CERS5: variants seen among roughly 807,000 people sequenced by gnomAD.
The protein encoded by CERS5 is LAG1 homolog, ceramide synthase 5.
A neutral mutation model predicts 58.9 loss-of-function variants in CERS5; 37 were observed. The observed-to-expected ratio is 0.63, with a 90% CI of 0.48 to 0.83. CERS5 has a LOEUF of 0.83. Ranked by LOEUF, CERS5 falls within the 40% of genes least tolerant of loss-of-function variation. The pLI is 0.00. For missense variants in CERS5, 398 were observed against 489.3 expected (o/e 0.81, Z 1.76); for synonymous variants, 147 against 177.8 (o/e 0.83, Z 1.38).
At chr12:50,132,359 G>A (rs928085031) in intron 9 of CERS5, among the ~76,000 whole-genome samples, 12 of 151,754 alleles carry the variant, frequency 7.9e-5, no homozygotes, top group Admixed American at 3.3e-4. Context: ...CCAAGATCAC[G>A]CCATTGCACT....
intron 1 of CERS5, among the ~76,000 whole-genome samples, chr12:50,164,123 C>A (rs1939611723): frequency 6.6e-6 from 1 of 151,080 alleles, no homozygotes; most frequent in African/African-American, 2.4e-5. Context: ...CTATGCCCAG[C>A]TAATTTTTAT....
chr12:50,133,404 T>C, intron 9 of CERS5: 2 of 1,029,952 alleles, frequency 1.9e-6, no homozygotes, highest in Non-Finnish European at 2.3e-6. Flanking sequence ...AAACACTACA[T>C]ACCCATTCAC....
chr12:50,167,309 C>T lies in CERS5; in HGVS notation c.-12G>A. ...GCTGCTGTCGCCATCTTACGCCCAC[C>T]CCGAAGCCACCGCCGCCACAAGCGT... On this transcript the variant is annotated 5_prime_UTR_variant, in exon 1 of 10. Coordinates refer to ENST00000317551, the MANE Select transcript of CERS5 (RefSeq NM_147190.5). 2 of 1,474,108 alleles carry T rather than the reference C, an allele frequency of 1.4e-6. No individual in the cohort carries two copies. The highest frequency in any genetic ancestry group is 1.8e-6 in the Non-Finnish European group (2 of 1,119,402). 91.3% of individuals were successfully genotyped at this position (1,474,108 alleles called of 1,614,324 possible).
chr12:50,161,776 C>CAAAAAAA (rs1491484435), intron 1 of CERS5, among the ~76,000 whole-genome samples: 4 of 23,674 alleles, frequency 1.7e-4, no homozygotes, highest in East Asian at 4.3e-3. Context: ...GACTCCGTCT[C>CAAAAAAA]AAAAAAAGAA....
chr12:50,147,175 G>A (rs1304458462), intron 1 of CERS5, among the ~76,000 whole-genome samples: 3 of 151,848 alleles, frequency 2.0e-5, no homozygotes, highest in Non-Finnish European at 4.4e-5. Context: ...AGGCTGAGGC[G>A]GGCGGATCAC....
chr12:50,131,052 TACGTATG>T (rs1951291100), intron 9 of CERS5, among the ~76,000 whole-genome samples: 1 of 152,168 alleles, frequency 6.6e-6, no homozygotes, highest in Non-Finnish European at 1.5e-5. Context: ...ACACGAACAA[TACGTATG>T]ACTGTCAGCA....
intron 8 of CERS5, 148 bp from the exon 9 acceptor site, chr12:50,134,850 AAAT>A: frequency 1.5e-6 from 1 of 666,180 alleles, no homozygotes; most frequent in African/African-American, 1.8e-5. Flanking sequence ...CACAGTAAGA[AAAT>A]AAAGAAAGGG....
In CERS5 at chr12:50,159,555, T is replaced by C. The variant is rs114317983; in HGVS notation, c.197+7546A>G. Among the ~76,000 whole-genome samples, 950 of 152,296 alleles carry C rather than the reference T, an allele frequency of 6.2e-3. 11 individuals are homozygous for C. Among genetic ancestry groups the C allele is most frequent in the African/African-American group, 0.022 (919 of 41,572 alleles). ...ATTGTCTGAATTACTGTCATCACCATCCAACAGAAATATAATGTGAGTCAC... is the reference window on the plus strand; with the variant it reads ...ATTGTCTGAATTACTGTCATCACCACCCAACAGAAATATAATGTGAGTCAC... On this transcript the variant is annotated intron_variant, in intron 1 of 9. Coordinates refer to ENST00000317551, the MANE Select transcript of CERS5 (RefSeq NM_147190.5).
chr12:50,136,670 G>A (rs545150200), intron 6 of CERS5, among the ~76,000 whole-genome samples: 1 of 152,248 alleles, frequency 6.6e-6, no homozygotes, highest in South Asian at 2.1e-4. Context: ...TAACATCCCA[G>A]TAAGACATAC....
intron 9 of CERS5, among the ~76,000 whole-genome samples, chr12:50,131,390 C>T (rs576413431): frequency 3.9e-5 from 6 of 151,904 alleles, no homozygotes; most frequent in African/African-American, 1.5e-4. Flanking sequence ...GAAACCCTGT[C>T]TCTACTAAAA....
chr12:50,138,288 C>T (rs1441463983), intron 5 of CERS5, among the ~76,000 whole-genome samples: 1 of 151,930 alleles, frequency 6.6e-6, no homozygotes, highest in Non-Finnish European at 1.5e-5. Context: ...ACTTGCTTTT[C>T]TTTTAGCCCA....
At chr12:50,133,758 C>T (rs763878619) in intron 9 of CERS5, 34 of 985,366 alleles carry the variant, frequency 3.5e-5, no homozygotes, top group South Asian at 2.3e-4. Flanking sequence ...TTTCCTCTTG[C>T]GTCTAAGTCA....
chr12:50,139,986 G>A (rs1237836353), intron 4 of CERS5, among the ~76,000 whole-genome samples: 2 of 148,538 alleles, frequency 1.3e-5, no homozygotes, highest in Non-Finnish European at 3.0e-5. Context: ...TAGCCTCAAA[G>A]TGAGGGGAGT....
chr12:50,165,785 G>C (rs1939817184), intron 1 of CERS5: 2 of 280,186 alleles, frequency 7.1e-6, no homozygotes, highest in African/African-American at 2.3e-5. Flanking sequence ...TTGGATAAAG[G>C]CAAAACGAAC....
chr12:50,164,522 T>A (rs1202038238), intron 1 of CERS5, among the ~76,000 whole-genome samples: 4 of 152,204 alleles, frequency 2.6e-5, no homozygotes, highest in African/African-American at 7.2e-5. Context: ...ATTATATTAC[T>A]GAGGTAATGG....
chr12:50,131,203 C>A (rs1951297507), intron 9 of CERS5, among the ~76,000 whole-genome samples: 1 of 152,190 alleles, frequency 6.6e-6, no homozygotes. Flanking sequence ...CTACCACTAT[C>A]CTATGACACT....
intron 9 of CERS5, chr12:50,133,447 AG>A: frequency 3.0e-6 from 3 of 1,001,692 alleles, no homozygotes; most frequent in Non-Finnish European, 3.6e-6. Context: ...TAGTGGGGTG[AG>A]GTGGGTATTT....
intron 1 of CERS5, among the ~76,000 whole-genome samples, chr12:50,153,216 C>T (rs907232442): frequency 4.0e-5 from 6 of 149,298 alleles, no homozygotes; most frequent in Non-Finnish European, 4.4e-5. Flanking sequence ...GACAACTTCT[C>T]AATACTTAAG....
chr12:50,147,951 T>A (rs539578187), intron 1 of CERS5, among the ~76,000 whole-genome samples: 263 of 151,428 alleles, frequency 1.7e-3, no homozygotes, highest in East Asian at 2.1e-3. Flanking sequence ...ATTAAAAAAT[T>A]TTTTTTTTTG....
Sources: gnomAD v4.1 joint callset for allele counts (sites outside exome capture counted in the v4.1 genomes callset) on GRCh38, gnomAD v4.1.1 for gene constraint, MANE v1.5 for transcripts, NCBI Gene and HGNC (gene_info 2026-07-23, HGNC 2026-07-21) for gene names.